Variants in AGBL3 observed in about 807,000 individuals in gnomAD.
AGBL3 encodes the protein AGBL carboxypeptidase 3, also known as cytosolic carboxypeptidase 3.
Under a neutral mutation model 94.5 loss-of-function variants are expected in AGBL3, and 68 were observed. The observed-to-expected ratio is 0.72, with a 90% CI of 0.59 to 0.88. The LOEUF is 0.88. Among genes scored for constraint, AGBL3 ranks in the 40% least tolerant of loss-of-function variants. The probability of loss-of-function intolerance (pLI) is 0.00; values close to 1 mark genes in which losing one functional copy is unlikely to be tolerated. For missense variants in AGBL3, 934 were observed against 1,103.8 expected (o/e 0.85, Z 2.18); for synonymous variants, 354 against 370.7 (o/e 0.95, Z 0.52).
intron 16 of AGBL3, among the ~76,000 whole-genome samples, chr7:135,123,391 T>G (rs1827414609): frequency 6.6e-6 from 1 of 152,136 alleles, no homozygotes. Context: ...AATGTGGGAC[T>G]TCATAAAAAG....
chr7:135,097,021 C>T (rs1202734847), intron 15 of AGBL3, among the ~76,000 whole-genome samples: 3 of 152,092 alleles, frequency 2.0e-5, no homozygotes, highest in Non-Finnish European at 4.4e-5. Flanking sequence ...GTTTTTATGA[C>T]CCAAGAAGAT....
At chr7:135,096,586 T>TAGATAGATAGAC (rs1357467962) in intron 15 of AGBL3, among the ~76,000 whole-genome samples, 6 of 66,132 alleles carry the variant, frequency 9.1e-5, no homozygotes, top group African/African-American at 2.1e-4. Context: ...GATAGATACA[T>TAGATAGATAGAC]AGATAGATAG....
At chr7:135,091,785 T>C (rs1325341137) in intron 15 of AGBL3, among the ~76,000 whole-genome samples, 3 of 152,180 alleles carry the variant, frequency 2.0e-5, no homozygotes, top group Non-Finnish European at 2.9e-5. Flanking sequence ...GCCTGAAATA[T>C]ACTTCTCCCT....
chr7:134,988,963 T>A (rs1031596947), intron 2 of AGBL3, among the ~76,000 whole-genome samples: 1 of 150,784 alleles, frequency 6.6e-6, no homozygotes, highest in Non-Finnish European at 1.5e-5. Flanking sequence ...TTAAATAGTT[T>A]TCCCGGGTTT....
rs1200126304 is a variant in AGBL3 at position 135,135,243 on chromosome 7, G to C, written c.2745G>C (p.Lys915Asn). The change falls in exon 17 of 17, where the codon AAG becomes AAC. Residue 915 changes from lysine (K) to asparagine (N), a missense_variant. Coordinates refer to ENST00000436302, the MANE Select transcript of AGBL3 (RefSeq NM_178563.4). Reference protein sequence around the residue: ...KNDGQPTLYLKFQRES With the variant: ...KNDGQPTLYLNFQRES ...ATGGACAACCCACCTTATATCTGAAGTTCCAAAGGGAGAGTTAATCTAGCT... is the reference window on the plus strand; with the variant it reads ...ATGGACAACCCACCTTATATCTGAACTTCCAAAGGGAGAGTTAATCTAGCT... The C allele has an allele frequency of 6.6e-7, 1 of 1,523,354 alleles. No individual in the cohort carries two copies. Among genetic ancestry groups the C allele is most frequent in the Non-Finnish European group, 8.8e-7 (1 of 1,135,052 alleles). The allele number at this position is 1,523,354 out of a possible 1,614,324, so 94.4% of individuals were successfully genotyped here.
intron 15 of AGBL3, among the ~76,000 whole-genome samples, chr7:135,104,245 T>C (rs10244227): frequency 0.054 from 8,263 of 152,278 alleles, 298 homozygotes; most frequent in Middle Eastern, 0.18. Flanking sequence ...TAGGACATGA[T>C]CTCATTATTT....
intron 16 of AGBL3, chr7:135,129,042 C>T: frequency 6.2e-7 from 1 of 1,608,606 alleles, no homozygotes; most frequent in South Asian, 1.1e-5. Context: ...CAGAGATGGC[C>T]AGGTTCAATG....
intron 12 of AGBL3, among the ~76,000 whole-genome samples, chr7:135,068,076 C>T (rs2116754735): frequency 6.6e-6 from 1 of 152,310 alleles, no homozygotes; most frequent in African/African-American, 2.4e-5. Flanking sequence ...GGCACAAGAA[C>T]TACGTGATGA....
intron 16 of AGBL3, 77 bp from the exon 17 acceptor site, chr7:135,134,764 A>T (rs922785949): frequency 1.7e-5 from 22 of 1,277,162 alleles, no homozygotes; most frequent in Non-Finnish European, 3.2e-6. Context: ...AATATTATTT[A>T]TACTATGACA....
chr7:135,048,205 G>T (rs1817550386), intron 11 of AGBL3, among the ~76,000 whole-genome samples: 1 of 151,818 alleles, frequency 6.6e-6, no homozygotes, highest in Non-Finnish European at 1.5e-5. Context: ...TATCCTGTAA[G>T]TATAGATGTC....
At chr7:134,996,008 G>C (rs4602805) in intron 4 of AGBL3, among the ~76,000 whole-genome samples, 1 of 152,284 alleles carries the variant, frequency 6.6e-6, no homozygotes, top group East Asian at 1.9e-4. Flanking sequence ...ACAGTCTTAC[G>C]TATTGCTCTA....
At position 135,135,260 on chromosome 7, in the gene AGBL3, A is replaced by T; in HGVS notation, c.2762A>T (p.Ter921LeuextTer7). 6.6e-7 allele frequency: 1 copy of T among 1,512,202 alleles called. No homozygotes were observed. The highest frequency in any genetic ancestry group is 8.9e-7 in the Non-Finnish European group (1 of 1,129,886). 93.7% of individuals were successfully genotyped at this position (1,512,202 alleles called of 1,614,324 possible). Reference protein sequence around the residue: ...TLYLKFQRES* With the variant: ...TLYLKFQRESL ...TATCTGAAGTTCCAAAGGGAGAGTT[A>T]ATCTAGCTTTATACTGCTCTGAGAA... Residue 921 changes from the stop codon to leucine (L), a stop_lost, in exon 17 of 17, where the codon TAA becomes TTA. Transcript: ENST00000436302.
intron 4 of AGBL3, among the ~76,000 whole-genome samples, chr7:135,000,005 G>T (rs1202054389): frequency 6.6e-6 from 1 of 152,208 alleles, no homozygotes; most frequent in Non-Finnish European, 1.5e-5. Flanking sequence ...CTCCTCAGCT[G>T]ATTTCAAAGT....
chr7:135,046,785 C>T (rs1035753129), intron 11 of AGBL3, among the ~76,000 whole-genome samples: 1 of 151,994 alleles, frequency 6.6e-6, no homozygotes, highest in African/African-American at 2.4e-5. Context: ...TACATATATC[C>T]ATGTGCAGGT....
At chr7:135,098,994 C>T (rs1823350787) in intron 15 of AGBL3, among the ~76,000 whole-genome samples, 1 of 152,130 alleles carries the variant, frequency 6.6e-6, no homozygotes, top group Admixed American at 6.5e-5. Context: ...ATCTGTTCTA[C>T]TATTACTACT....
chr7:135,045,110 T>C (rs1817232884), intron 9 of AGBL3, among the ~76,000 whole-genome samples: 1 of 152,108 alleles, frequency 6.6e-6, no homozygotes, highest in Non-Finnish European at 1.5e-5. Flanking sequence ...ATCAAAGCAC[T>C]TTGATACTGA....
At position 135,049,571 on chromosome 7, in the gene AGBL3, G is replaced by A. The variant is rs12707205; in HGVS notation, c.1841+3660G>A. Among the ~76,000 whole-genome samples the A allele has an allele frequency of 5.9e-5, 9 of 151,632 alleles. No homozygotes were observed. In the South Asian group the frequency reaches 8.3e-4, roughly 14 times the overall value. On this transcript the variant is annotated intron_variant, in intron 11 of 16. Transcript: ENST00000436302. The stretch of plus-strand genomic sequence containing the variant: ...GGGCTTTCTTTGTTAAGAGATTTTC[G>A]ATTACTGATTAAATCTCCATAATAG...
intron 7 of AGBL3, among the ~76,000 whole-genome samples, chr7:135,035,755 T>A (rs1816240322): frequency 6.6e-6 from 1 of 152,178 alleles, no homozygotes; most frequent in South Asian, 2.1e-4. Context: ...GAAATTAATC[T>A]GTTAGAAGTA....
chr7:135,012,546 G>GT (rs1447727127), intron 4 of AGBL3: 2 of 152,106 alleles, frequency 1.3e-5, no homozygotes, highest in Non-Finnish European at 2.9e-5. Context: ...GTGGATAGAA[G>GT]TATGTTTGGG....
Sources: gnomAD v4.1 joint callset for allele counts (sites outside exome capture counted in the v4.1 genomes callset) on GRCh38, gnomAD v4.1.1 for gene constraint, MANE v1.5 for transcripts, NCBI Gene and HGNC (gene_info 2026-07-23, HGNC 2026-07-21) for gene names.